The following SLC9D1 variants were observed in gnomAD, a reference collection of about 807,000 sequenced individuals.
SLC9D1 encodes putative LAG1-interacting protein.
chr13:113,491,920 C>T, the SLC9D1 span, among the ~76,000 whole-genome samples: 2 of 152,222 alleles, frequency 1.3e-5, no homozygotes, highest in African/African-American at 4.8e-5. Context: ...TATTTACCGG[C>T]TTTTTCAAAA....
At chr13:113,502,285 C>A in the SLC9D1 span, among the ~76,000 whole-genome samples, 1 of 152,168 alleles carries the variant, frequency 6.6e-6, no homozygotes, top group Non-Finnish European at 1.5e-5. Flanking sequence ...GCAATCTTGG[C>A]TCACTGCAAC....
chr13:113,501,393 GGAA>G, the SLC9D1 span, among the ~76,000 whole-genome samples: 1 of 152,168 alleles, frequency 6.6e-6, no homozygotes, highest in Non-Finnish European at 1.5e-5. Flanking sequence ...AAAGTATATA[GGAA>G]GATGTGCTAG....
the SLC9D1 span, among the ~76,000 whole-genome samples, chr13:113,536,834 G>A: frequency 6.6e-6 from 1 of 152,234 alleles, no homozygotes; most frequent in Admixed American, 6.5e-5. Flanking sequence ...GAGTGCCTGT[G>A]GAGGTAGGGT....
the SLC9D1 span, chr13:113,495,999 G>A: frequency 6.2e-7 from 1 of 1,611,924 alleles, no homozygotes. Context: ...GCAGCGCCTG[G>A]AGGCCCTGAG....
the SLC9D1 span, among the ~76,000 whole-genome samples, chr13:113,521,044 C>T: frequency 1.3e-5 from 2 of 152,032 alleles, no homozygotes; most frequent in Non-Finnish European, 2.9e-5. Context: ...AGAACAATGT[C>T]CAGAACGTAA....
At chr13:113,491,893 GT>G in the SLC9D1 span, among the ~76,000 whole-genome samples, 20 of 152,234 alleles carry the variant, frequency 1.3e-4, no homozygotes, top group Admixed American at 1.2e-3. Flanking sequence ...TGATTATTCT[GT>G]CTTCCAAATT....
the SLC9D1 span, chr13:113,506,010 T>C: frequency 1.3e-5 from 2 of 157,448 alleles, no homozygotes; most frequent in African/African-American, 4.8e-5. Context: ...TCTTTTTATA[T>C]TTCTTGTAAA....
chr13:113,517,915 TGGC>T, the SLC9D1 span, among the ~76,000 whole-genome samples: 9 of 152,138 alleles, frequency 5.9e-5, no homozygotes, highest in African/African-American at 2.2e-4. Context: ...CAGAGCTCCT[TGGC>T]GGCACCCTTA....
the SLC9D1 span, chr13:113,536,377 A>T: frequency 5.3e-6 from 1 of 187,378 alleles, no homozygotes; most frequent in Non-Finnish European, 1.0e-5. Flanking sequence ...AAAGTAAATT[A>T]ACAAAAATTG....
At chr13:113,502,912 CA>C in the SLC9D1 span, among the ~76,000 whole-genome samples, 1 of 152,216 alleles carries the variant, frequency 6.6e-6, no homozygotes, top group African/African-American at 2.4e-5. Flanking sequence ...GGAGCGCGCC[CA>C]GCACCCTGGG....
the SLC9D1 span, among the ~76,000 whole-genome samples, chr13:113,495,033 T>C: frequency 1.3e-5 from 2 of 152,158 alleles, no homozygotes; most frequent in African/African-American, 4.8e-5. Flanking sequence ...CCCATATTTT[T>C]AGTAGAAACA....
the SLC9D1 span, chr13:113,511,622 G>A: frequency 6.6e-6 from 1 of 152,392 alleles, no homozygotes; most frequent in Non-Finnish European, 1.5e-5. Context: ...CCTCCGTGCT[G>A]GTGCCAGCAT....
the SLC9D1 span, chr13:113,503,851 C>T: frequency 7.0e-6 from 3 of 426,392 alleles, no homozygotes; most frequent in African/African-American, 2.0e-5. Flanking sequence ...TGTGTGTGAA[C>T]TTTAATAGAT....
the SLC9D1 span, chr13:113,520,780 T>C: frequency 2.2e-6 from 3 of 1,392,770 alleles, no homozygotes; most frequent in Admixed American, 5.1e-5. Flanking sequence ...TAAAATCACT[T>C]GTGCATAAAA....
chr13:113,547,332 G>A, the SLC9D1 span: 8 of 1,614,224 alleles, frequency 5.0e-6, no homozygotes, highest in East Asian at 4.5e-5. Flanking sequence ...TGTGGCGTAC[G>A]AGCTCACGGT....
the SLC9D1 span, among the ~76,000 whole-genome samples, chr13:113,522,630 G>T: frequency 6.6e-6 from 1 of 151,964 alleles, no homozygotes; most frequent in Non-Finnish European, 1.5e-5. Flanking sequence ...GTGAGCAACC[G>T]CGCCCGGCTG....
chr13:113,496,054 GA>G, the SLC9D1 span: 1 of 1,475,718 alleles, frequency 6.8e-7, no homozygotes, highest in Non-Finnish European at 9.3e-7. Flanking sequence ...GAGAGAGAGA[GA>G]GGGAGAGGGA....
chr13:113,511,036 A>T, the SLC9D1 span, among the ~76,000 whole-genome samples: 1 of 134,186 alleles, frequency 7.5e-6, no homozygotes, highest in African/African-American at 3.0e-5. Context: ...CTGTGCGGGG[A>T]GGACAGTGGA....
the SLC9D1 span, chr13:113,548,285 A>T: frequency 1.2e-6 from 2 of 1,613,204 alleles, no homozygotes; most frequent in South Asian, 1.1e-5. Flanking sequence ...GCAGTGACGT[A>T]ATGAACCGCT....
Sources: allele counts gnomAD v4.1 joint callset (sites outside exome capture counted in the v4.1 genomes callset), GRCh38; gene constraint gnomAD v4.1.1; transcripts MANE v1.5; gene names NCBI Gene and HGNC (gene_info 2026-07-23, HGNC 2026-07-21).